MICU2: variants seen among roughly 807,000 people sequenced by gnomAD.
MICU2 encodes calcium uptake protein 2, mitochondrial.
Under a neutral mutation model 60.4 loss-of-function variants are expected in MICU2, and 64 were observed. The ratio of observed to expected loss-of-function variants is 1.06; its 90% CI spans 0.87 to 1.31. The LOEUF (loss-of-function observed/expected upper bound fraction) is 1.31. MICU2 is among the 50% of genes most tolerant of loss of function. The pLI, the probability that MICU2 is intolerant of heterozygous loss-of-function variation, is 0.00. For missense variants in MICU2, 569 were observed against 531.0 expected (o/e 1.07, Z -0.70); for synonymous variants, 201 against 175.0 (o/e 1.15, Z -1.17).
intron 11 of MICU2, 59 bp from the exon 12 acceptor site, chr13:21,493,412 T>C: frequency 8.3e-7 from 1 of 1,203,398 alleles, no homozygotes; most frequent in Admixed American, 2.3e-5. Context: ...CATGATTTCA[T>C]ATATACTTTA....
chr13:21,581,275 AC>A (rs1888342290), intron 1 of MICU2, among the ~76,000 whole-genome samples: 1 of 151,854 alleles, frequency 6.6e-6, no homozygotes, highest in Non-Finnish European at 1.5e-5. Context: ...GCACCACCAC[AC>A]CAGGCTAATT....
chr13:21,557,608 G>A (rs1471235534), intron 2 of MICU2, among the ~76,000 whole-genome samples: 3 of 152,198 alleles, frequency 2.0e-5, no homozygotes, highest in Non-Finnish European at 2.9e-5. Flanking sequence ...ATCTTAGACT[G>A]TTTTGTATCT....
At chr13:21,520,478 C>T (rs187495633) in intron 6 of MICU2, among the ~76,000 whole-genome samples, 117 of 152,250 alleles carry the variant, frequency 7.7e-4, no homozygotes, top group Non-Finnish European at 7.6e-4. Flanking sequence ...TTTATGTACA[C>T]GCCTAATTTG....
chr13:21,588,203 TAAAAC>T (rs930933810), intron 1 of MICU2, among the ~76,000 whole-genome samples: 3 of 152,324 alleles, frequency 2.0e-5, no homozygotes, highest in African/African-American at 7.2e-5. Context: ...GTTAAAGACT[TAAAAC>T]AAACTTTGGC....
chr13:21,580,696 CTT>C lies in MICU2; in HGVS notation c.211-13754_211-13753del, dbSNP rs1341495063. ...TTATGGGCTATTGTTTAGATAGTCT[CTT>C]AACTTATAACTTTATAAAACTTCAT... On this transcript the variant is annotated intron_variant, in intron 1 of 11. Coordinates refer to ENST00000382374, the MANE Select transcript of MICU2 (RefSeq NM_152726.3). Among the ~76,000 whole-genome samples, 3 of 151,218 alleles carry C rather than the reference CTT, an allele frequency of 2.0e-5. No individual in the cohort carries two copies. The East Asian group carries it at 5.8e-4, about 29-fold the overall frequency.
chr13:21,604,167 A>G lies in MICU2; in HGVS notation c.-19T>C, dbSNP rs2138086515. The G allele has an allele frequency of 6.5e-7, 1 of 1,537,902 alleles. No individual in the cohort carries two copies. Among genetic ancestry groups the G allele is most frequent in the Non-Finnish European group, 8.7e-7 (1 of 1,146,206 alleles). On this transcript the variant is annotated 5_prime_UTR_variant, in exon 1 of 12. Transcript: ENST00000382374. ...CCGCCATCTTTGCGGAAGCGCAGCTAGGCGGCGCTTCTCTCCCGGCGCCGC... is the reference window on the plus strand; with the variant it reads ...CCGCCATCTTTGCGGAAGCGCAGCTGGGCGGCGCTTCTCTCCCGGCGCCGC...
At chr13:21,601,720 G>C (rs191417168) in intron 1 of MICU2, among the ~76,000 whole-genome samples, 1 of 152,326 alleles carries the variant, frequency 6.6e-6, no homozygotes, top group East Asian at 1.9e-4. Flanking sequence ...TCTTGTTCTA[G>C]GGATAGTGAG....
chr13:21,593,714 C>G (rs1888636021), intron 1 of MICU2, among the ~76,000 whole-genome samples: 1 of 151,918 alleles, frequency 6.6e-6, no homozygotes, highest in Non-Finnish European at 1.5e-5. Context: ...ACAGAGACCT[C>G]AGAAATAATG....
At chr13:21,583,286 TTAAA>T (rs1243689303) in intron 1 of MICU2, among the ~76,000 whole-genome samples, 1 of 152,142 alleles carries the variant, frequency 6.6e-6, no homozygotes, top group Admixed American at 6.5e-5. Context: ...AGTTGCAGTA[TTAAA>T]TAAATAAACA....
At chr13:21,495,389 T>C (rs1473530042) in intron 10 of MICU2, 71 bp from the exon 11 acceptor site, 1 of 1,345,178 alleles carries the variant, frequency 7.4e-7, no homozygotes, top group Non-Finnish European at 9.7e-7. Flanking sequence ...TAAATTTTCA[T>C]TATTTGAGAA....
intron 2 of MICU2, among the ~76,000 whole-genome samples, chr13:21,561,911 T>C (rs1264225095): frequency 7.6e-6 from 1 of 132,260 alleles, no homozygotes; most frequent in African/African-American, 2.9e-5. Flanking sequence ...CCTTCCTGTG[T>C]CCACGTGTTC....
intron 1 of MICU2, among the ~76,000 whole-genome samples, chr13:21,571,241 A>G (rs183178279): frequency 4.4e-4 from 67 of 152,314 alleles, no homozygotes; most frequent in African/African-American, 1.5e-3. Context: ...AAGGCAAAGA[A>G]AACGGCTTGT....
chr13:21,543,753 A>G (rs938659470), intron 2 of MICU2, among the ~76,000 whole-genome samples: 3 of 152,142 alleles, frequency 2.0e-5, no homozygotes, highest in African/African-American at 7.2e-5. Flanking sequence ...AAAGTGATCT[A>G]TAGATCCAAT....
chr13:21,571,024 G>A (rs1040304372), intron 1 of MICU2, among the ~76,000 whole-genome samples: 5 of 151,664 alleles, frequency 3.3e-5, no homozygotes, highest in African/African-American at 7.3e-5. Flanking sequence ...CCTTCCTTCC[G>A]TGTGCTTTTC....
At chr13:21,578,213 C>T (rs1172409083) in intron 1 of MICU2, among the ~76,000 whole-genome samples, 1 of 152,192 alleles carries the variant, frequency 6.6e-6, no homozygotes, top group East Asian at 1.9e-4. Flanking sequence ...ATCCCCAGTG[C>T]CTAGTGCATG....
intron 2 of MICU2, among the ~76,000 whole-genome samples, chr13:21,548,922 T>G (rs1021090084): frequency 2.7e-4 from 19 of 69,260 alleles, no homozygotes; most frequent in African/African-American, 8.9e-4. Context: ...AGTTTGAGAG[T>G]TTTTTTTTTT....
intron 8 of MICU2, among the ~76,000 whole-genome samples, chr13:21,508,835 T>C (rs1176982586): frequency 6.6e-6 from 1 of 152,194 alleles, no homozygotes; most frequent in Non-Finnish European, 1.5e-5. Context: ...CTGGAAAGCC[T>C]TCCCTGATCA....
chr13:21,561,686 G>C (rs1359558563), intron 2 of MICU2, among the ~76,000 whole-genome samples: 1 of 97,636 alleles, frequency 1.0e-5, no homozygotes, highest in Non-Finnish European at 2.0e-5. Context: ...TTTAAAGTGG[G>C]TTTCTTTTTT....
chr13:21,548,877 T>G (rs1020175098), intron 2 of MICU2, among the ~76,000 whole-genome samples: 3 of 147,238 alleles, frequency 2.0e-5, no homozygotes, highest in Admixed American at 6.9e-5. Context: ...ACCTTCTGAA[T>G]AAAAACTTCC....
Sources: allele counts gnomAD v4.1 joint callset (sites outside exome capture counted in the v4.1 genomes callset), GRCh38; gene constraint gnomAD v4.1.1; transcripts MANE v1.5; gene names NCBI Gene and HGNC (gene_info 2026-07-23, HGNC 2026-07-21).